SLK: variants seen among roughly 807,000 people sequenced by gnomAD.
SLK encodes STE20 like kinase, also known as STE20-like serine/threonine-protein kinase.
Under a neutral mutation model 147.7 loss-of-function variants are expected in SLK, and 67 were observed. The ratio of observed to expected loss-of-function variants is 0.45; its 90% confidence interval spans 0.37 to 0.56. The LOEUF is 0.56. Among genes scored for constraint, SLK ranks in the 20% least tolerant of loss-of-function variants. The pLI is 0.00. For synonymous variants in SLK, 441 were observed against 475.0 expected (o/e 0.93, Z 0.93); for missense variants, 1,136 against 1,438.8 (o/e 0.79, Z 3.41).
intron 13 of SLK, among the ~76,000 whole-genome samples, chr10:104,017,704 T>C (rs953450755): frequency 6.6e-6 from 1 of 152,202 alleles, no homozygotes; most frequent in Non-Finnish European, 1.5e-5. Context: ...GGTCTCGAAC[T>C]CCTGACCTCA....
At chr10:103,981,899 A>C (rs1843949657) in intron 1 of SLK, among the ~76,000 whole-genome samples, 2 of 152,140 alleles carry the variant, frequency 1.3e-5, no homozygotes, top group Non-Finnish European at 1.5e-5. Context: ...ATTGCATTGA[A>C]TCTGTAGATT....
At position 104,005,474 on chromosome 10, in the gene SLK, A is replaced by C. The variant is rs1844312298; in HGVS notation, c.2350-87A>C. The C allele has an allele frequency of 2.4e-6, 3 of 1,260,332 alleles. No individual in the cohort carries two copies. The East Asian group carries it at 7.4e-5, about 31-fold the overall frequency. The allele number at this position is 1,260,332 out of a possible 1,614,324, so 78.1% of individuals were successfully genotyped here. On this transcript the variant is annotated intron_variant, in intron 9 of 18. Transcript: ENST00000369755. ...GCTGTTCAGTTGTTTTGTTTTAAAA[A>C]AGAAAGAAATGTTTAAGGAAGAAGA...
intron 14 of SLK, 72 bp downstream of exon 14, chr10:104,018,361 T>C: frequency 7.1e-7 from 1 of 1,398,634 alleles, no homozygotes; most frequent in African/African-American, 1.5e-5. Flanking sequence ...AATGTAAACA[T>C]ATAACCCTTA....
Position 103,967,630 on chromosome 10 carries a change from A to G in SLK, c.-116A>G. On this transcript the variant is annotated 5_prime_UTR_variant, in exon 1 of 19. Coordinates refer to ENST00000369755, the MANE Select transcript of SLK (RefSeq NM_014720.4). The stretch of plus-strand genomic sequence containing the variant: ...CGCCCGGCCGGAGCTGCGGGGGCCG[A>G]GGGACGCCGCGCCCGCCGCCGCCAG... 1.2e-6 allele frequency: 1 copy of G among 831,262 alleles called. No individual in the cohort carries two copies. Among genetic ancestry groups the G allele is most frequent in the Non-Finnish European group, 1.6e-6 (1 of 607,168 alleles). The allele number at this position is 831,262 out of a possible 1,614,324, so 51.5% of individuals were successfully genotyped here. A position where few individuals can be genotyped will look rare whatever the true frequency, so the allele number is the denominator to read the frequency against.
intron 13 of SLK, among the ~76,000 whole-genome samples, chr10:104,014,949 T>C (rs1442908030): frequency 6.6e-6 from 1 of 152,180 alleles, no homozygotes; most frequent in African/African-American, 2.4e-5. Flanking sequence ...GAAATGTGAG[T>C]GCTCTTTTCA....
chr10:104,016,883 AG>A lies in SLK; in HGVS notation c.2878-1271del, dbSNP rs543787694. Among the ~76,000 whole-genome samples, 217 of 152,300 alleles carry A rather than the reference AG, an allele frequency of 1.4e-3. 2 individuals are homozygous for A. The highest frequency in any genetic ancestry group is 5.0e-3 in the African/African-American group (209 of 41,566). ...TTTGATGTTCTCGAGGATGTGCAAG[AG>A]GGGGGATTGCAAGTGAAATTCTGCT... On this transcript the variant is annotated intron_variant, in intron 13 of 18. Coordinates refer to ENST00000369755, the MANE Select transcript of SLK (RefSeq NM_014720.4).
chr10:104,019,706 C>T, intron 15 of SLK, 28 bp from the exon 16 acceptor site: 1 of 1,555,282 alleles, frequency 6.4e-7, no homozygotes, highest in Non-Finnish European at 8.9e-7. Flanking sequence ...GTTTCTGCGT[C>T]ACTGGATTCT....
At chr10:104,015,801 C>T (rs1306186614) in intron 13 of SLK, among the ~76,000 whole-genome samples, 2 of 152,114 alleles carry the variant, frequency 1.3e-5, no homozygotes, top group Middle Eastern at 3.4e-3. Flanking sequence ...TTTTATTTTC[C>T]CATAAGTATT....
chr10:104,010,854 A>T lies in SLK; in HGVS notation c.2823A>T (p.Arg941Ser). ...TGGAGAAAGCACCCAAAGAGCTGAG[A>T]AAAGAGCTCATGAAACGCAGGAAAG... ...NEVEKAPKEL[R>S]KELMKRRKEE... Residue 941 changes from arginine to serine, a missense_variant, in exon 13 of 19, where the codon AGA (arginine) becomes AGT (serine). Around this residue, in one of 6 missense-constraint regions of SLK, gnomAD observed 327 missense variants for 457.5 expected, o/e 0.71. Coordinates refer to ENST00000369755, the MANE Select transcript of SLK (RefSeq NM_014720.4). 6.3e-7 allele frequency: 1 copy of T among 1,598,520 alleles called. No homozygotes were observed. The highest frequency in any genetic ancestry group is 8.5e-7 in the Non-Finnish European group (1 of 1,175,614).
chr10:103,985,582 T>A (rs1238924674), intron 1 of SLK, among the ~76,000 whole-genome samples: 1 of 151,446 alleles, frequency 6.6e-6, no homozygotes, highest in East Asian at 1.9e-4. Context: ...TTTTTTAGAT[T>A]CCTTTTGTAT....
intron 1 of SLK, among the ~76,000 whole-genome samples, chr10:103,984,741 T>C (rs978648161): frequency 1.3e-5 from 2 of 152,210 alleles, no homozygotes; most frequent in Non-Finnish European, 2.9e-5. Context: ...AGTTTACTTT[T>C]TCCCACAGTA....
intron 1 of SLK, among the ~76,000 whole-genome samples, chr10:103,980,520 GTTC>G (rs542195046): frequency 5.8e-4 from 89 of 152,184 alleles, no homozygotes; most frequent in African/African-American, 2.1e-3. Flanking sequence ...CTAGGCAACT[GTTC>G]TTCTACTTTT....
Position 103,993,129 on chromosome 10 carries a change from A to G in SLK, c.510A>G (p.Lys170=), listed in dbSNP as rs138539059. 26 of 1,598,870 alleles carry G rather than the reference A, an allele frequency of 1.6e-5. No individual in the cohort carries two copies. In the African/African-American group the frequency reaches 2.8e-4, roughly 17 times the overall value. Residue 170 remains lysine, a synonymous_variant, in exon 4 of 19, where the codon AAA becomes AAG. Transcript: ENST00000369755. ...TCTTTACCTTAGATGGAGATATCAA[A>G]TTGGGTAAGTTATTCACTTAAATAA... ...NILFTLDGDI[K]LADFGVSAKN... is the part of the protein sequence containing the mutation.
chr10:103,968,042 AAGG>A, intron 1 of SLK, 147 bp downstream of exon 1: 1 of 815,186 alleles, frequency 1.2e-6, no homozygotes, highest in Non-Finnish European at 1.9e-6. Flanking sequence ...CTGATCATCC[AAGG>A]AGTAGCTAAG....
At chr10:103,979,834 TC>T (rs1243357763) in intron 1 of SLK, among the ~76,000 whole-genome samples, 1 of 152,228 alleles carries the variant, frequency 6.6e-6, no homozygotes, top group Non-Finnish European at 1.5e-5. Context: ...TTTAGGATTT[TC>T]TTTTTTTGTG....
intron 8 of SLK, among the ~76,000 whole-genome samples, 161 bp downstream of exon 8, chr10:104,001,733 T>G (rs1460429680): frequency 6.6e-6 from 1 of 152,168 alleles, no homozygotes; most frequent in Non-Finnish European, 1.5e-5. Context: ...TTTGTTATAT[T>G]TCCCTTTTTT....
At chr10:104,021,238 A>T (rs937540295) in intron 17 of SLK, among the ~76,000 whole-genome samples, 10 of 152,228 alleles carry the variant, frequency 6.6e-5, no homozygotes, top group Non-Finnish European at 1.2e-4. Context: ...GGGCCAATAG[A>T]TCTTTTACAG....
chr10:103,996,386 A>AT (rs1163321923), intron 4 of SLK, among the ~76,000 whole-genome samples: 2 of 117,682 alleles, frequency 1.7e-5, no homozygotes, highest in African/African-American at 3.2e-5. Context: ...TCTAATAAAT[A>AT]TTTTTTTTCT....
At chr10:103,978,193 T>C (rs990815745) in intron 1 of SLK, among the ~76,000 whole-genome samples, 1 of 152,188 alleles carries the variant, frequency 6.6e-6, no homozygotes, top group African/African-American at 2.4e-5. Flanking sequence ...TTTAAAGTTT[T>C]AAACTTTCCT....
Sources: gnomAD v4.1 joint callset for allele counts (sites outside exome capture counted in the v4.1 genomes callset) on GRCh38, gnomAD v4.1.1 for gene constraint, gnomAD v4.1.1 regional missense constraint, MANE v1.5 for transcripts, NCBI Gene and HGNC (gene_info 2026-07-23, HGNC 2026-07-21) for gene names.